The following STK32B variants were observed in gnomAD, a reference collection of about 807,000 sequenced individuals.
STK32B encodes serine/threonine-protein kinase 32B.
STK32B carries 43 observed loss-of-function variants against 52.6 expected under a neutral mutation model. The observed-to-expected ratio is 0.82, with a 90% CI of 0.64 to 1.05. The LOEUF (loss-of-function observed/expected upper bound fraction) is 1.05, where lower values mean the gene tolerates loss of function less well. Ranked by LOEUF, STK32B falls within the 50% of genes least tolerant of loss-of-function variation. STK32B has a pLI of 0.00. For missense variants in STK32B, 621 were observed against 534.6 expected, an observed-to-expected ratio of 1.16 and a Z score of -1.59; for synonymous variants, 238 against 204.3, an observed-to-expected ratio of 1.17 and a Z score of -1.41.
At chr4:5,177,669 A>G (rs1368600565) in intron 3 of STK32B, among the ~76,000 whole-genome samples, 1 of 152,240 alleles carries the variant, frequency 6.6e-6, no homozygotes, top group Non-Finnish European at 1.5e-5. Flanking sequence ...TACTTCCTAG[A>G]TACAATAGGG....
At chr4:5,320,340 G>T (rs1398700770) in intron 3 of STK32B, among the ~76,000 whole-genome samples, 3 of 152,128 alleles carry the variant, frequency 2.0e-5, no homozygotes, top group African/African-American at 7.2e-5. Flanking sequence ...TCTTGGTCCA[G>T]TGCCTCTTGA....
intron 3 of STK32B, among the ~76,000 whole-genome samples, chr4:5,225,123 A>G (rs1005342225): frequency 3.9e-5 from 6 of 152,314 alleles, no homozygotes; most frequent in Middle Eastern, 3.4e-3. Context: ...TTACAATTTT[A>G]TAAATAAAAA....
At chr4:5,203,289 T>C (rs891936446) in intron 3 of STK32B, among the ~76,000 whole-genome samples, 1 of 152,236 alleles carries the variant, frequency 6.6e-6, no homozygotes, top group African/African-American at 2.4e-5. Flanking sequence ...ATTAAATTAC[T>C]GAAATTTTTG....
chr4:5,486,460 T>C (rs189157964), intron 11 of STK32B, among the ~76,000 whole-genome samples: 1 of 152,358 alleles, frequency 6.6e-6, no homozygotes, highest in African/African-American at 2.4e-5. Flanking sequence ...GGGAGGGACC[T>C]GATTTTCCAG....
At chr4:5,472,539 T>A (rs990349392) in intron 11 of STK32B, among the ~76,000 whole-genome samples, 1 of 152,184 alleles carries the variant, frequency 6.6e-6, no homozygotes, top group African/African-American at 2.4e-5. Context: ...AGGGGGCCCA[T>A]CCTCCTATTC....
chr4:5,292,490 GT>G (rs1191633286), intron 3 of STK32B, among the ~76,000 whole-genome samples: 5 of 151,452 alleles, frequency 3.3e-5, no homozygotes, highest in Non-Finnish European at 3.0e-5. Flanking sequence ...TAATGGGGCT[GT>G]TTTTTTTCTT....
At chr4:5,471,536 G>C (rs376090852) in intron 11 of STK32B, among the ~76,000 whole-genome samples, 20 of 152,072 alleles carry the variant, frequency 1.3e-4, no homozygotes, top group African/African-American at 4.8e-4. Context: ...CTAGCCTCTA[G>C]AGCTATGGGG....
chr4:5,063,572 A>G (rs1742299687), intron 1 of STK32B, among the ~76,000 whole-genome samples: 1 of 152,092 alleles, frequency 6.6e-6, no homozygotes, highest in Non-Finnish European at 1.5e-5. Context: ...TGAACTCCTG[A>G]CCTCAAGTGA....
In STK32B at chr4:5,342,411, G is replaced by A. The variant is rs190597802; in HGVS notation, c.434+11018G>A. ...TCATGTCCTTTGTAGGGACGTAAATGAAGCTGGAAACCATCATTCTGAGCA... is the reference window on the plus strand; with the variant it reads ...TCATGTCCTTTGTAGGGACGTAAATAAAGCTGGAAACCATCATTCTGAGCA... On this transcript the variant is annotated intron_variant, in intron 4 of 11. Transcript: ENST00000282908. Among the ~76,000 whole-genome samples the A allele has an allele frequency of 2.2e-3, 339 of 152,324 alleles. 1 individual carries two copies. Among genetic ancestry groups the A allele is most frequent in the Non-Finnish European group, 4.0e-3 (271 of 68,028 alleles).
At chr4:5,048,801 T>C (rs1741665522), upstream of STK32B, among the ~76,000 whole-genome samples, 1 of 152,188 alleles carries the variant, frequency 6.6e-6, no homozygotes, top group African/African-American at 2.4e-5. Context: ...TGTGCCCCAG[T>C]CTCCTCCAGA....
intron 5 of STK32B, among the ~76,000 whole-genome samples, chr4:5,408,371 T>C (rs911224153): frequency 6.6e-6 from 1 of 152,016 alleles, no homozygotes; most frequent in Non-Finnish European, 1.5e-5. Context: ...CCTACCCCCG[T>C]CTCTCTTCCT....
chr4:5,351,504 A>T (rs1447680217), intron 4 of STK32B, among the ~76,000 whole-genome samples: 1 of 152,092 alleles, frequency 6.6e-6, no homozygotes, highest in East Asian at 1.9e-4. Flanking sequence ...GTCTGCCTAC[A>T]TCAAAAGAGT....
At chr4:5,146,289 A>T (rs1716908843) in intron 2 of STK32B, among the ~76,000 whole-genome samples, 1 of 152,164 alleles carries the variant, frequency 6.6e-6, no homozygotes, top group East Asian at 1.9e-4. Context: ...CCAAAACCTC[A>T]AAACTAGGGA....
chr4:5,442,408 C>T (rs1236230721), intron 6 of STK32B, among the ~76,000 whole-genome samples: 1 of 151,846 alleles, frequency 6.6e-6, no homozygotes, highest in Non-Finnish European at 1.5e-5. Context: ...TCTGTTTTAT[C>T]AGAGACTAGG....
Position 5,332,743 on chromosome 4 carries a change from G to A in STK32B, c.434+1350G>A, listed in dbSNP as rs573432135. Among the ~76,000 whole-genome samples the A allele has an allele frequency of 7.9e-5, 12 of 152,184 alleles. No homozygotes were observed. The South Asian group carries it at 1.7e-3, about 21-fold the overall frequency. On this transcript the variant is annotated intron_variant, in intron 4 of 11. Coordinates refer to ENST00000282908, the MANE Select transcript of STK32B (RefSeq NM_018401.3). ...TTCCCATCTATGAGTGAGAACATGC[G>A]GTGTTTGGTTTTTTGTCCTTGCCAT... is the stretch of plus-strand genomic sequence containing the variant.
chr4:5,067,507 A>G (rs1742469786), intron 1 of STK32B, among the ~76,000 whole-genome samples: 1 of 152,234 alleles, frequency 6.6e-6, no homozygotes, highest in African/African-American at 2.4e-5. Context: ...ATCACCGTGT[A>G]AACTTATAAA....
Position 5,051,661 on chromosome 4 carries a change from C to A in STK32B, c.-203C>A. ...CGGAAGGCGCGGCGAGAGCGGGGTC[C>A]CTGCGAGCGCAGTCGGAAGGGCGTC... On this transcript the variant is annotated 5_prime_UTR_variant, in exon 1 of 12. Transcript: ENST00000282908. 1.7e-6 allele frequency: 1 copy of A among 585,368 alleles called. No homozygotes were observed. The highest frequency in any genetic ancestry group is 2.8e-6 in the Non-Finnish European group (1 of 353,014). The allele number at this position is 585,368 out of a possible 1,614,324, so 36.3% of individuals were successfully genotyped here. A position where few individuals can be genotyped will look rare whatever the true frequency, so the allele number is the denominator to read the frequency against.
intron 2 of STK32B, among the ~76,000 whole-genome samples, chr4:5,144,822 ATCCATCC>A (rs1716784467): frequency 1.3e-5 from 2 of 151,580 alleles, no homozygotes; most frequent in African/African-American, 4.9e-5. Context: ...CCATCCATCC[ATCCATCC>A]ATCCAACATA....
At chr4:5,492,387 G>A (rs1232643187) in intron 11 of STK32B, among the ~76,000 whole-genome samples, 2 of 152,080 alleles carry the variant, frequency 1.3e-5, no homozygotes, top group Non-Finnish European at 2.9e-5. Context: ...GTCTGGTATT[G>A]GTGTATAAGA....
Sources: allele counts gnomAD v4.1 joint callset (sites outside exome capture counted in the v4.1 genomes callset), GRCh38; gene constraint gnomAD v4.1.1; transcripts MANE v1.5; gene names NCBI Gene and HGNC (gene_info 2026-07-23, HGNC 2026-07-21).